Variants in SLC35C1 observed in about 807,000 individuals in gnomAD.
SLC35C1 encodes the protein solute carrier family 35 member C1, also known as GDP-fucose transporter 1.
Under a neutral mutation model 23.2 loss-of-function variants are expected in SLC35C1, and 8 were observed. The ratio of observed to expected loss-of-function variants is 0.35; its 90% CI spans 0.20 to 0.62. The LOEUF is 0.62. Among genes scored for constraint, SLC35C1 ranks in the 20% least tolerant of loss-of-function variants. SLC35C1 has a pLI of 0.75. For synonymous variants in SLC35C1, 226 were observed against 225.1 expected (o/e 1.00, Z -0.04); for missense variants, 422 against 478.6 (o/e 0.88, Z 1.10).
At chr11:45,810,135 A>G in intron 1 of SLC35C1, 3 of 985,440 alleles carry the variant, frequency 3.0e-6, no homozygotes, top group Non-Finnish European at 3.6e-6. Context: ...TGCCACGCCA[A>G]GGAGTGTAGT....
rs2085958439 is a variant in SLC35C1, at chr11:45,812,420, A to G, written c.*1085A>G. ...CACTGTTAGTCCAGCGAGCTCCTAT[A>G]TCAAAATGCCGTAGGCCGGGTGGCT... On this transcript the variant is annotated 3_prime_UTR_variant, in exon 2 of 2. Coordinates refer to ENST00000314134, the MANE Select transcript of SLC35C1 (RefSeq NM_018389.5). The G allele has an allele frequency of 1.8e-5, 7 of 391,110 alleles. No homozygotes were observed. The highest frequency in any genetic ancestry group is 1.1e-4 in the South Asian group (6 of 54,138). The allele number at this position is 391,110 out of a possible 1,614,324, so 24.2% of individuals were successfully genotyped here.
In SLC35C1 at chr11:45,805,487, T is replaced by C; in HGVS notation, c.-315T>C. ...CTCCCTTCTCTCTGCGACCCCTCCCTGTTAGGCCCCAGCCTCTTCTCCCCT... is the reference window on the plus strand; with the variant it reads ...CTCCCTTCTCTCTGCGACCCCTCCCCGTTAGGCCCCAGCCTCTTCTCCCCT... On this transcript the variant is annotated 5_prime_UTR_variant, in exon 1 of 2. Coordinates refer to ENST00000314134, the MANE Select transcript of SLC35C1 (RefSeq NM_018389.5). 1 of 1,255,632 alleles carries C rather than the reference T, an allele frequency of 8.0e-7. No homozygotes were observed. The highest frequency in any genetic ancestry group is 3.6e-5 in the East Asian group (1 of 27,888). The allele number at this position is 1,255,632 out of a possible 1,614,324, so 77.8% of individuals were successfully genotyped here.
chr11:45,811,130 A>G lies in SLC35C1; in HGVS notation c.890A>G (p.Asn297Ser), dbSNP rs756683159. ...QIKFTSPLTH[N>S]VSGTAKACAQ... ...AAGTTCACCAGTCCGCTGACCCACA[A>G]TGTGTCGGGCACGGCCAAGGCCTGT... The change falls in exon 2 of 2, where the codon AAT becomes AGT. Residue 297 changes from asparagine to serine, a missense_variant. Coordinates refer to ENST00000314134, the MANE Select transcript of SLC35C1 (RefSeq NM_018389.5). 3.9e-5 allele frequency: 63 copies of G among 1,612,244 alleles called. No individual in the cohort carries two copies. The highest frequency in any genetic ancestry group is 8.3e-5 in the Admixed American group (5 of 60,008).
chr11:45,811,560 A>C lies in SLC35C1; in HGVS notation c.*225A>C. ...TACAAGTAATACCAGAAAGTTGCCA[A>C]ACCCTTCTCTATCCTCTCGTATTTC... On this transcript the variant is annotated 3_prime_UTR_variant, in exon 2 of 2. Transcript: ENST00000314134. The C allele has an allele frequency of 2.1e-6, 1 of 471,700 alleles. No individual in the cohort carries two copies. Among genetic ancestry groups the C allele is most frequent in the Non-Finnish European group, 3.7e-6 (1 of 269,172 alleles). The allele number at this position is 471,700 out of a possible 1,614,324, so 29.2% of individuals were successfully genotyped here. A position where few individuals can be genotyped will look rare whatever the true frequency, so the allele number is the denominator to read the frequency against.
Position 45,811,155 on chromosome 11 carries a change from T to G in SLC35C1, c.915T>G (p.Cys305Trp). Residue 305 changes from cysteine to tryptophan, a missense_variant, in exon 2 of 2, where the codon TGT becomes TGG. Coordinates refer to ENST00000314134, the MANE Select transcript of SLC35C1 (RefSeq NM_018389.5). ...ATGTGTCGGGCACGGCCAAGGCCTG[T>G]GCCCAGACAGTGCTGGCCGTGCTCT... ...THNVSGTAKA[C>W]AQTVLAVLYY... The G allele has an allele frequency of 1.2e-6, 2 of 1,611,772 alleles. No individual in the cohort carries two copies. The highest frequency in any genetic ancestry group is 1.7e-6 in the Non-Finnish European group (2 of 1,179,990).
In SLC35C1 at chr11:45,812,708, G is replaced by C. The variant is rs886048320; in HGVS notation, c.*1373G>C. On this transcript the variant is annotated 3_prime_UTR_variant, in exon 2 of 2. Coordinates refer to ENST00000314134, the MANE Select transcript of SLC35C1 (RefSeq NM_018389.5). ...ACCTCCTAATACTGTCACCTTGGGG[G>C]TGAGAATTCCAATGTGAATTTGCAG... The C allele has an allele frequency of 5.3e-5, 24 of 452,198 alleles. No homozygotes were observed. The highest frequency in any genetic ancestry group is 8.0e-5 in the Non-Finnish European group (18 of 224,264). The allele number at this position is 452,198 out of a possible 1,614,324, so 28.0% of individuals were successfully genotyped here.
intron 1 of SLC35C1, 86 bp from the exon 2 acceptor site, chr11:45,810,690 A>G: frequency 6.6e-7 from 1 of 1,519,226 alleles, no homozygotes; most frequent in Non-Finnish European, 8.8e-7. Context: ...AGTCTGTGAA[A>G]TTTGGTGTCT....
Position 45,811,288 on chromosome 11 carries a change from G to A in SLC35C1, c.1048G>A (p.Glu350Lys). ...VRGWEMKKTP[E>K]EPSPKDSEKS... ...GGGCTGGGAGATGAAGAAGACTCCG[G>A]AGGAGCCCAGCCCCAAAGACAGCGA... The change falls in exon 2 of 2, where the codon GAG becomes AAG. Residue 350 changes from glutamate (E) to lysine (K), a missense_variant. Physicochemically the swap from Glu to Lys is moderately conservative, Grantham distance 56. Coordinates refer to ENST00000314134, the MANE Select transcript of SLC35C1 (RefSeq NM_018389.5). 6.4e-7 allele frequency: 1 copy of A among 1,562,418 alleles called. No homozygotes were observed. Among genetic ancestry groups the A allele is most frequent in the Non-Finnish European group, 8.6e-7 (1 of 1,158,938 alleles).
rs760076611 is a variant in SLC35C1, at chr11:45,806,346, A to G, written c.535+10A>G. 5.0e-6 allele frequency: 8 copies of G among 1,611,792 alleles called. No individual in the cohort carries two copies. In the East Asian group the frequency reaches 1.8e-4, roughly 36 times the overall value. On this transcript the variant is annotated intron_variant, in intron 1 of 1. Coordinates refer to ENST00000314134, the MANE Select transcript of SLC35C1 (RefSeq NM_018389.5). ...TGCGGTATCATCATCGGTGAGTGGC[A>G]GCTGGGGCCACGGGGGATAGAGTGG...
Position 45,810,796 on chromosome 11 carries a change from G to T in SLC35C1, c.556G>T (p.Asp186Tyr). The change falls in exon 2 of 2, where the codon GAC (aspartate) becomes TAC (tyrosine). Residue 186 changes from aspartate to tyrosine, a missense_variant. Coordinates refer to ENST00000314134, the MANE Select transcript of SLC35C1 (RefSeq NM_018389.5). ...IIIGGFWLGV[D>Y]QEGAEGTLSW... ...TGCAGGGGGCTTCTGGCTTGGTGTG[G>T]ACCAGGAGGGGGCAGAAGGCACCCT... The T allele has an allele frequency of 6.2e-7, 1 of 1,612,674 alleles. No individual in the cohort carries two copies. The highest frequency in any genetic ancestry group is 8.5e-7 in the Non-Finnish European group (1 of 1,179,866).
At chr11:45,807,605 G>A (rs1057221841) in intron 1 of SLC35C1, among the ~76,000 whole-genome samples, 1 of 152,144 alleles carries the variant, frequency 6.6e-6, no homozygotes, top group Non-Finnish European at 1.5e-5. Context: ...GATGGCTCAG[G>A]GTCCCAGGCT....
At chr11:45,804,746 A>T (rs1180725373), upstream of SLC35C1, 4 of 985,276 alleles carry the variant, frequency 4.1e-6, no homozygotes, top group Non-Finnish European at 4.8e-6. Flanking sequence ...GGATTGGCAG[A>T]GGGACGCGGG....
Position 45,810,772 on chromosome 11 carries a change from G to T in SLC35C1, c.536-4G>T, listed in dbSNP as rs1439698327. On this transcript the variant is annotated splice_polypyrimidine_tract_variant and splice_region_variant and intron_variant, in intron 1 of 1. Coordinates refer to ENST00000314134, the MANE Select transcript of SLC35C1 (RefSeq NM_018389.5). ...CTTCCCCACTCCTCCTCTCCCCACTGCAGGGGGCTTCTGGCTTGGTGTGGA... is the reference window on the plus strand; with the variant it reads ...CTTCCCCACTCCTCCTCTCCCCACTTCAGGGGGCTTCTGGCTTGGTGTGGA... The T allele has an allele frequency of 3.7e-6, 6 of 1,609,266 alleles. No homozygotes were observed. Among genetic ancestry groups the T allele is most frequent in the Non-Finnish European group, 5.1e-6 (6 of 1,177,548 alleles).
chr11:45,809,307 G>A (rs144611808), intron 1 of SLC35C1, among the ~76,000 whole-genome samples: 292 of 152,246 alleles, frequency 1.9e-3, no homozygotes, highest in Non-Finnish European at 3.2e-3. Context: ...GAGGGGACCC[G>A]GGGACAGGGC....
chr11:45,811,222 A>T lies in SLC35C1; in HGVS notation c.982A>T (p.Met328Leu). Residue 328 changes from methionine to leucine, a missense_variant, in exon 2 of 2, where the codon ATG (methionine) becomes TTG (leucine). Transcript: ENST00000314134. ...TKSFLWWTSNMMVLGGSSAYT... is the reference protein window; with the variant it reads ...TKSFLWWTSNLMVLGGSSAYT... ...GAGCTTCCTCTGGTGGACGAGCAAC[A>T]TGATGGTGCTGGGCGGCTCCTCCGC... 1.2e-6 allele frequency: 2 copies of T among 1,608,638 alleles called. No homozygotes were observed. The highest frequency in any genetic ancestry group is 1.7e-6 in the Non-Finnish European group (2 of 1,176,886).
upstream of SLC35C1, chr11:45,804,959 GA>G: frequency 1.0e-6 from 1 of 985,774 alleles, no homozygotes; most frequent in Non-Finnish European, 1.2e-6. Context: ...CAAGCACCCA[GA>G]AAAACCTGTG....
chr11:45,810,258 C>A, intron 1 of SLC35C1: 1 of 985,424 alleles, frequency 1.0e-6, no homozygotes, highest in Non-Finnish European at 1.2e-6. Context: ...TTAATGTGCC[C>A]CATGATGACA....
In SLC35C1 at chr11:45,805,460, C is replaced by T. The variant is rs1305381165; in HGVS notation, c.-342C>T. The T allele has an allele frequency of 1.7e-6, 2 of 1,184,884 alleles. No individual in the cohort carries two copies. Among genetic ancestry groups the T allele is most frequent in the African/African-American group, 3.1e-5 (2 of 64,150 alleles). The allele number at this position is 1,184,884 out of a possible 1,614,324, so 73.4% of individuals were successfully genotyped here. On this transcript the variant is annotated 5_prime_UTR_variant, in exon 1 of 2. Transcript: ENST00000314134. ...CCTGCCCCGCCCTGCCATTCCTCTC[C>T]CCTCCCTTCTCTCTGCGACCCCTCC...
Position 45,812,785 on chromosome 11 carries a change from C to A in SLC35C1, c.*1450C>A. 1 of 402,028 alleles carries A rather than the reference C, an allele frequency of 2.5e-6. No homozygotes were observed. The highest frequency in any genetic ancestry group is 5.0e-6 in the Non-Finnish European group (1 of 199,126). 24.9% of individuals were successfully genotyped at this position (402,028 alleles called of 1,614,324 possible). On this transcript the variant is annotated 3_prime_UTR_variant, in exon 2 of 2. Coordinates refer to ENST00000314134, the MANE Select transcript of SLC35C1 (RefSeq NM_018389.5). ...CGGGGCCATACCACCCTTCACCACA[C>A]CCTCCTGCGCTCAGGGTGGCTTGCA...
Sources: gnomAD v4.1 joint callset for allele counts (sites outside exome capture counted in the v4.1 genomes callset) on GRCh38, gnomAD v4.1.1 for gene constraint, MANE v1.5 for transcripts, NCBI Gene and HGNC (gene_info 2026-07-23, HGNC 2026-07-21) for gene names.